Variants in MARK4 observed in about 807,000 individuals in gnomAD.
MARK4 encodes microtubule affinity regulating kinase 4.
MARK4 carries 19 observed loss-of-function variants against 81.5 expected under a neutral mutation model. That is an observed-to-expected ratio of 0.23 (90% confidence interval 0.16 to 0.34). The LOEUF (loss-of-function observed/expected upper bound fraction) is 0.34. MARK4 is among the 10% of genes least tolerant of loss of function. The pLI, the probability that MARK4 is intolerant of heterozygous loss-of-function variation, is 1.00. For synonymous variants in MARK4, 436 were observed against 439.0 expected (o/e 0.99, Z 0.08); for missense variants, 772 against 1,058.8 (o/e 0.73, Z 3.76).
intron 14 of MARK4, among the ~76,000 whole-genome samples, chr19:45,295,759 A>G (rs1970879024): frequency 6.6e-6 from 1 of 152,086 alleles, no homozygotes; most frequent in Non-Finnish European, 1.5e-5. Context: ...AGCCTGAGCC[A>G]CACAGCAAGA....
At position 45,264,920 on chromosome 19, in the gene MARK4, G is replaced by A. The variant is rs1428355128; in HGVS notation, c.492+10G>A. 2 of 1,614,046 alleles carry A rather than the reference G, an allele frequency of 1.2e-6. No individual in the cohort carries two copies. Among genetic ancestry groups the A allele is most frequent in the South Asian group, 2.2e-5 (2 of 91,058 alleles). ...AGCCAAGTTCCGACAGGTTGGGGCAGGGCTGAGGGTGGGGCTGACTGGGTG... is the reference window on the plus strand; with the variant it reads ...AGCCAAGTTCCGACAGGTTGGGGCAAGGCTGAGGGTGGGGCTGACTGGGTG... On this transcript the variant is annotated intron_variant, in intron 6 of 16. Transcript: ENST00000262891.
Position 45,302,724 on chromosome 19 carries a change from C to T in MARK4, c.*14C>T. 1.3e-6 allele frequency: 2 copies of T among 1,535,884 alleles called. No individual in the cohort carries two copies. Among genetic ancestry groups the T allele is most frequent in the Non-Finnish European group, 8.7e-7 (1 of 1,146,712 alleles). On this transcript the variant is annotated 3_prime_UTR_variant, in exon 17 of 17. Coordinates refer to ENST00000262891, the MANE Select transcript of MARK4 (RefSeq NM_001199867.2). The surrounding 1 kb of genome is among the most constrained non-coding windows in gnomAD (Gnocchi z 4.9). Reference sequence around the variant, plus strand: ...CTCGAGCTCTGAGCCACCACGGTCCCAGGGCCCTTACTCTTCCTCTCCCTT... The same window carrying T: ...CTCGAGCTCTGAGCCACCACGGTCCTAGGGCCCTTACTCTTCCTCTCCCTT...
chr19:45,276,346 G>A (rs1163503628), intron 8 of MARK4, among the ~76,000 whole-genome samples: 1 of 152,102 alleles, frequency 6.6e-6, no homozygotes, highest in African/African-American at 2.4e-5. Flanking sequence ...TTTTTATTCA[G>A]ATGGAAAGAG....
rs1970242790 is a variant in MARK4 at position 45,251,618 on chromosome 19, C to T, written c.30C>T (p.Gly10=). The change falls in exon 1 of 17, where the codon GGC becomes GGT. Residue 10 remains glycine (G), a synonymous_variant. Transcript: ENST00000262891. MSSRTVLAP[G]NDRNSDTHGT... ...CTTCGCGGACGGTGCTGGCCCCGGGCAACGATCGGAACTCGGACACGGTGA... is the reference window on the plus strand; with the variant it reads ...CTTCGCGGACGGTGCTGGCCCCGGGTAACGATCGGAACTCGGACACGGTGA... The T allele has an allele frequency of 1.0e-5, 14 of 1,402,180 alleles. No individual in the cohort carries two copies. The highest frequency in any genetic ancestry group is 1.2e-5 in the Non-Finnish European group (13 of 1,071,242). The allele number at this position is 1,402,180 out of a possible 1,614,324, so 86.9% of individuals were successfully genotyped here.
intron 16 of MARK4, among the ~76,000 whole-genome samples, chr19:45,301,705 A>C (rs1970975519): frequency 6.6e-6 from 1 of 151,692 alleles, no homozygotes; most frequent in African/African-American, 2.4e-5. Flanking sequence ...CTAAAAATAC[A>C]AAAATTAGCT....
intron 12 of MARK4, among the ~76,000 whole-genome samples, chr19:45,282,209 A>C (rs1399284993): frequency 6.7e-6 from 1 of 148,774 alleles, no homozygotes; most frequent in Non-Finnish European, 1.5e-5. Context: ...GGCAACAGAG[A>C]GACCTCATCT....
Position 45,280,706 on chromosome 19 carries a change from C to T in MARK4, c.1248C>T (p.Tyr416=). The T allele has an allele frequency of 6.2e-7, 1 of 1,614,164 alleles. No homozygotes were observed. The highest frequency in any genetic ancestry group is 8.5e-7 in the Non-Finnish European group (1 of 1,180,006). The change falls in exon 12 of 17, where the codon TAC becomes TAT. Residue 416 remains tyrosine, a synonymous_variant. Coordinates refer to ENST00000262891, the MANE Select transcript of MARK4 (RefSeq NM_001199867.2). ...SKGQRSSSST[Y]HRQRRHSDFC... ...GGCAGCGGAGTTCCTCTTCCACCTA[C>T]CACCGCCAGCGCAGGCATAGCGATT...
intron 13 of MARK4, among the ~76,000 whole-genome samples, chr19:45,293,788 G>A (rs1313077348): frequency 6.6e-6 from 1 of 152,184 alleles, no homozygotes; most frequent in Non-Finnish European, 1.5e-5. Context: ...TGACAGCACA[G>A]TGATTGAAGC....
intron 12 of MARK4, among the ~76,000 whole-genome samples, chr19:45,282,184 T>C (rs1236327936): frequency 3.4e-5 from 5 of 148,400 alleles, no homozygotes; most frequent in East Asian, 2.0e-4. Flanking sequence ...GATCATGCCA[T>C]TGCACACCAG....
At chr19:45,277,766 G>T (rs975530948) in intron 8 of MARK4, among the ~76,000 whole-genome samples, 157 bp from the exon 9 acceptor site, 1 of 151,236 alleles carries the variant, frequency 6.6e-6, no homozygotes, top group Non-Finnish European at 1.5e-5. Flanking sequence ...TGCTTACCTC[G>T]TCAAGGACTG....
At chr19:45,275,457 C>T (rs1355865075) in intron 8 of MARK4, among the ~76,000 whole-genome samples, 1 of 151,774 alleles carries the variant, frequency 6.6e-6, no homozygotes, top group Non-Finnish European at 1.5e-5. Context: ...TGCACTCCAG[C>T]TTCGGTGACA....
In MARK4 at chr19:45,251,287, T is replaced by TCCACCGCCTCCCTCCG. The variant is rs1287127938; in HGVS notation, c.-299_-284dup. ...CGTCCCTTCCTCCCTCCCCAGCCCC[T>TCCACCGCCTCCCTCCG]CCACCGCCTCCCTCCGCCGCCGCTT... On this transcript the variant is annotated 5_prime_UTR_variant, in exon 1 of 17. Transcript: ENST00000262891. The TCCACCGCCTCCCTCCG allele has an allele frequency of 2.1e-5, 1 of 47,152 alleles. No homozygotes were observed. Among genetic ancestry groups the TCCACCGCCTCCCTCCG allele is most frequent in the African/African-American group, 8.4e-5 (1 of 11,940 alleles). The allele number at this position is 47,152 out of a possible 1,614,324, so 2.9% of individuals were successfully genotyped here. A position where few individuals can be genotyped will look rare whatever the true frequency, so the allele number is the denominator to read the frequency against.
intron 7 of MARK4, among the ~76,000 whole-genome samples, chr19:45,268,818 AAAAAC>A (rs1220422130): frequency 2.6e-5 from 4 of 152,072 alleles, no homozygotes; most frequent in Non-Finnish European, 2.9e-5. Context: ...AATGAAAACA[AAAAAC>A]AAATTGCTAT....
chr19:45,273,958 C>G (rs1413734887), intron 8 of MARK4, among the ~76,000 whole-genome samples: 1 of 152,190 alleles, frequency 6.6e-6, no homozygotes, highest in Non-Finnish European at 1.5e-5. Flanking sequence ...ATAAAGGTAC[C>G]AACCCTGTGG....
intron 13 of MARK4, 68 bp from the exon 14 acceptor site, chr19:45,294,281 G>C (rs1278552975): frequency 8.2e-6 from 12 of 1,460,306 alleles, no homozygotes; most frequent in Non-Finnish European, 1.1e-5. Flanking sequence ...GGGCAGAGAA[G>C]GGAAGAGGGA....
At chr19:45,270,612 T>A (rs1333776220) in intron 7 of MARK4, among the ~76,000 whole-genome samples, 1 of 152,134 alleles carries the variant, frequency 6.6e-6, no homozygotes, top group Non-Finnish European at 1.5e-5. Context: ...GCTTTTCTTT[T>A]TTTTTGAGAC....
intron 9 of MARK4, 58 bp downstream of exon 9, chr19:45,278,100 C>T: frequency 3.1e-6 from 5 of 1,596,114 alleles, no homozygotes; most frequent in East Asian, 2.2e-5. Flanking sequence ...CCCCTAAACT[C>T]TGCCTGCCCC....
intron 7 of MARK4, among the ~76,000 whole-genome samples, chr19:45,267,019 A>ACG (rs1419522038): frequency 6.6e-6 from 1 of 152,024 alleles, no homozygotes; most frequent in Non-Finnish European, 1.5e-5. Flanking sequence ...GGCATGAGCC[A>ACG]CGGCACCTGG....
At chr19:45,269,906 T>G (rs1452070915) in intron 7 of MARK4, among the ~76,000 whole-genome samples, 1 of 152,086 alleles carries the variant, frequency 6.6e-6, no homozygotes, top group Non-Finnish European at 1.5e-5. Context: ...CAGGCTGGAG[T>G]ACAGTGATGC....
Sources: gnomAD v4.1 joint callset for allele counts (sites outside exome capture counted in the v4.1 genomes callset) on GRCh38, gnomAD v4.1.1 for gene constraint, Gnocchi (gnomAD v3.1) non-coding constraint, MANE v1.5 for transcripts, NCBI Gene and HGNC (gene_info 2026-07-23, HGNC 2026-07-21) for gene names.